SH3GL2: variants seen among roughly 807,000 people sequenced by gnomAD.
The protein encoded by SH3GL2 is SH3 domain containing GRB2 like 2, endophilin A1.
A neutral mutation model predicts 46.0 loss-of-function variants in SH3GL2; 24 were observed. That is an observed-to-expected ratio of 0.52 (90% CI 0.38 to 0.73). SH3GL2 has a LOEUF of 0.73. Ranked by LOEUF, SH3GL2 falls within the 30% of genes least tolerant of loss-of-function variation. The pLI, the probability that SH3GL2 is intolerant of heterozygous loss-of-function variation, is 0.00. For missense variants in SH3GL2, 413 were observed against 424.2 expected, an observed-to-expected ratio of 0.97 and a Z score of 0.23; for synonymous variants, 196 against 147.1, an observed-to-expected ratio of 1.33 and a Z score of -2.40.
chr9:17,662,682 C>G (rs1431052577), intron 1 of SH3GL2, among the ~76,000 whole-genome samples: 1 of 145,242 alleles, frequency 6.9e-6, no homozygotes, highest in East Asian at 2.0e-4. Flanking sequence ...AAAATACATG[C>G]TTTCAGTTTT....
intron 2 of SH3GL2, among the ~76,000 whole-genome samples, chr9:17,752,553 A>G (rs1009638957): frequency 5.9e-5 from 9 of 152,092 alleles, no homozygotes; most frequent in Admixed American, 2.0e-4. Flanking sequence ...GCTGGAGTGT[A>G]GTAGCTCAGT....
chr9:17,732,887 A>C (rs980519335), intron 1 of SH3GL2, among the ~76,000 whole-genome samples: 5 of 152,040 alleles, frequency 3.3e-5, no homozygotes, highest in African/African-American at 1.2e-4. Context: ...ACCCAAATAG[A>C]TCCTTTCCTG....
intron 1 of SH3GL2, among the ~76,000 whole-genome samples, chr9:17,739,709 T>G (rs1822468758): frequency 6.6e-6 from 1 of 152,170 alleles, no homozygotes; most frequent in Non-Finnish European, 1.5e-5. Flanking sequence ...GTGGGTAATA[T>G]GTAGTTATAA....
intron 1 of SH3GL2, among the ~76,000 whole-genome samples, chr9:17,617,120 T>C (rs1819021341): frequency 6.6e-6 from 1 of 152,218 alleles, no homozygotes; most frequent in African/African-American, 2.4e-5. Context: ...CTCTGTAGAT[T>C]ATTTCAGTAC....
chr9:17,582,688 TC>T (rs1486042477), intron 1 of SH3GL2, among the ~76,000 whole-genome samples: 1 of 152,234 alleles, frequency 6.6e-6, no homozygotes, highest in Non-Finnish European at 1.5e-5. Flanking sequence ...CTGAGTCGTT[TC>T]AACGACAGAA....
intron 1 of SH3GL2, among the ~76,000 whole-genome samples, chr9:17,719,302 T>C (rs1041254590): frequency 1.4e-4 from 21 of 152,266 alleles, no homozygotes; most frequent in Admixed American, 1.1e-3. Context: ...ACTTCAAACA[T>C]TGTAAAGTGA....
chr9:17,579,332 C>T (rs750554656), intron 1 of SH3GL2, 45 bp downstream of exon 1: 9 of 1,398,842 alleles, frequency 6.4e-6, no homozygotes, highest in African/African-American at 1.5e-5. Context: ...CGGGGCGAAG[C>T]TGCGAGGGGC....
intron 1 of SH3GL2, among the ~76,000 whole-genome samples, chr9:17,670,337 G>A (rs989801706): frequency 6.6e-6 from 1 of 152,146 alleles, no homozygotes; most frequent in African/African-American, 2.4e-5. Flanking sequence ...GCTGCTTTTT[G>A]TTAGAAGGGA....
At chr9:17,654,896 T>C (rs1047530315) in intron 1 of SH3GL2, among the ~76,000 whole-genome samples, 8 of 152,182 alleles carry the variant, frequency 5.3e-5, no homozygotes, top group African/African-American at 1.9e-4. Context: ...TCTAAATTGT[T>C]GCTTTTAATG....
intron 1 of SH3GL2, among the ~76,000 whole-genome samples, chr9:17,703,034 C>T (rs533181839): frequency 6.6e-6 from 1 of 152,004 alleles, no homozygotes; most frequent in African/African-American, 2.4e-5. Context: ...AGATGATGGC[C>T]CAGCAGTCTC....
chr9:17,645,118 C>G (rs550465878), intron 1 of SH3GL2, among the ~76,000 whole-genome samples: 1 of 116,250 alleles, frequency 8.6e-6, no homozygotes, highest in Admixed American at 8.8e-5. Context: ...GGTTTAAAGT[C>G]TGTTTTATCA....
intron 3 of SH3GL2, among the ~76,000 whole-genome samples, chr9:17,776,451 G>T (rs1823642641): frequency 1.3e-5 from 2 of 151,942 alleles, no homozygotes; most frequent in South Asian, 2.1e-4. Flanking sequence ...AGAATCTCAG[G>T]GGCTTTCCTA....
At chr9:17,690,935 T>G (rs1423068429) in intron 1 of SH3GL2, among the ~76,000 whole-genome samples, 2 of 152,184 alleles carry the variant, frequency 1.3e-5, no homozygotes, top group Non-Finnish European at 2.9e-5. Flanking sequence ...TAGCTGGAAG[T>G]AAACAGACTT....
intron 1 of SH3GL2, among the ~76,000 whole-genome samples, chr9:17,701,038 T>C (rs1182602050): frequency 1.3e-5 from 2 of 152,090 alleles, no homozygotes; most frequent in Admixed American, 6.6e-5. Context: ...TTAATCCCAA[T>C]TGGTAAAATG....
chr9:17,656,660 G>A (rs1177002682), intron 1 of SH3GL2, among the ~76,000 whole-genome samples: 2 of 151,074 alleles, frequency 1.3e-5, no homozygotes, highest in Non-Finnish European at 2.9e-5. Flanking sequence ...ATCTATTGAG[G>A]AGCATGTTTT....
At chr9:17,585,118 G>T (rs977564233) in intron 1 of SH3GL2, among the ~76,000 whole-genome samples, 1 of 152,126 alleles carries the variant, frequency 6.6e-6, no homozygotes, top group African/African-American at 2.4e-5. Flanking sequence ...ATTCCATTCT[G>T]CCAAGCCTCT....
chr9:17,782,072 C>G (rs890855268), intron 3 of SH3GL2, among the ~76,000 whole-genome samples: 1 of 152,130 alleles, frequency 6.6e-6, no homozygotes, highest in Non-Finnish European at 1.5e-5. Flanking sequence ...TTCTTTTGCT[C>G]ACTTTATCAC....
At chr9:17,687,663 A>G (rs1820956843) in intron 1 of SH3GL2, among the ~76,000 whole-genome samples, 1 of 152,108 alleles carries the variant, frequency 6.6e-6, no homozygotes. Flanking sequence ...TGTTCCCTAT[A>G]GAAAATAATG....
chr9:17,777,211 A>G (rs1007377155), intron 3 of SH3GL2, among the ~76,000 whole-genome samples: 1 of 152,200 alleles, frequency 6.6e-6, no homozygotes, highest in Non-Finnish European at 1.5e-5. Flanking sequence ...AATAAACTGT[A>G]TATATTTTTA....
Sources: allele counts gnomAD v4.1 joint callset (sites outside exome capture counted in the v4.1 genomes callset), GRCh38; gene constraint gnomAD v4.1.1; transcripts MANE v1.5; gene names NCBI Gene and HGNC (gene_info 2026-07-23, HGNC 2026-07-21).